MECOM: variants seen among roughly 807,000 people sequenced by gnomAD.
The protein encoded by MECOM is histone-lysine N-methyltransferase MECOM.
Under a neutral mutation model 116.3 loss-of-function variants are expected in MECOM, and 13 were observed. The ratio of observed to expected loss-of-function variants is 0.11; its 90% CI spans 0.07 to 0.18. MECOM has a LOEUF of 0.18. Among genes scored for constraint, MECOM ranks in the 10% least tolerant of loss-of-function variants. The pLI is 1.00. For missense variants in MECOM, 1,299 were observed against 1,509.0 expected (o/e 0.86, Z 2.31); for synonymous variants, 528 against 535.2 (o/e 0.99, Z 0.19).
chr3:169,622,878 A>C (rs1411003797), intron 1 of MECOM, among the ~76,000 whole-genome samples: 1 of 152,226 alleles, frequency 6.6e-6, no homozygotes, highest in African/African-American at 2.4e-5. Context: ...CAGGTAATTC[A>C]TTAAAAAAAT....
At chr3:169,492,848 T>A (rs977518639) in intron 1 of MECOM, among the ~76,000 whole-genome samples, 1 of 152,062 alleles carries the variant, frequency 6.6e-6, no homozygotes, top group African/African-American at 2.4e-5. Context: ...TTGTCCCAGC[T>A]ACTCAGGAGG....
At chr3:169,437,064 T>A (rs1416549463) in intron 1 of MECOM, among the ~76,000 whole-genome samples, 1 of 152,206 alleles carries the variant, frequency 6.6e-6, no homozygotes, top group African/African-American at 2.4e-5. Flanking sequence ...AAATAAAATC[T>A]TTTATGAACC....
rs75602520 is a variant in MECOM, at chr3:169,498,874, T to G, written c.38-117350A>C. Reference sequence around the variant, plus strand: ...AGCATTAGCATCAGTGAAACAAAAGTAGGGCTATAGAAAAAACAATACTTA... The same window carrying G: ...AGCATTAGCATCAGTGAAACAAAAGGAGGGCTATAGAAAAAACAATACTTA... On this transcript the variant is annotated intron_variant, in intron 1 of 16. Coordinates refer to ENST00000651503, the MANE Select transcript of MECOM (RefSeq NM_004991.4). 3.7e-3 allele frequency among the ~76,000 whole-genome samples: 563 copies of G among 152,002 alleles called. 5 individuals are homozygous for G. The highest frequency in any genetic ancestry group is 0.012 in the African/African-American group (496 of 41,448).
chr3:169,160,124 T>A (rs1742629473), intron 2 of MECOM, among the ~76,000 whole-genome samples: 1 of 152,188 alleles, frequency 6.6e-6, no homozygotes, highest in South Asian at 2.1e-4. Context: ...ATTTATTTTC[T>A]GGTCACTCAG....
chr3:169,155,904 C>G (rs1741890540), intron 2 of MECOM, among the ~76,000 whole-genome samples: 1 of 152,194 alleles, frequency 6.6e-6, no homozygotes, highest in Admixed American at 6.5e-5. Context: ...TTCCATTCAT[C>G]AAGCTCCTGC....
intron 2 of MECOM, among the ~76,000 whole-genome samples, chr3:169,234,127 G>C (rs11719636): frequency 1.3e-5 from 2 of 151,890 alleles, no homozygotes; most frequent in Non-Finnish European, 2.9e-5. Flanking sequence ...AGAGAAATAT[G>C]AGACAGATTT....
intron 2 of MECOM, among the ~76,000 whole-genome samples, chr3:169,195,509 A>C (rs1241488236): frequency 6.6e-6 from 1 of 152,100 alleles, no homozygotes; most frequent in Admixed American, 6.6e-5. Flanking sequence ...TAGGCTCACA[A>C]TCATTTCTTG....
At chr3:169,343,314 T>C (rs935960402) in intron 2 of MECOM, among the ~76,000 whole-genome samples, 2 of 152,162 alleles carry the variant, frequency 1.3e-5, no homozygotes, top group Non-Finnish European at 2.9e-5. Context: ...TTGTTGAAGA[T>C]GTCAGAAAGT....
At chr3:169,321,646 AC>A (rs1182105623) in intron 2 of MECOM, among the ~76,000 whole-genome samples, 2 of 151,952 alleles carry the variant, frequency 1.3e-5, no homozygotes, top group African/African-American at 4.8e-5. Context: ...TTGGGCAGTG[AC>A]TCTTCAGGGA....
intron 1 of MECOM, 151 bp downstream of exon 1, chr3:169,663,185 C>T: frequency 1.2e-6 from 1 of 846,680 alleles, no homozygotes; most frequent in Non-Finnish European, 1.9e-6. Context: ...GAGACTGGAA[C>T]CGGCAGGTTG....
intron 2 of MECOM, among the ~76,000 whole-genome samples, chr3:169,268,930 C>G (rs920752164): frequency 6.6e-6 from 1 of 152,126 alleles, no homozygotes; most frequent in African/African-American, 2.4e-5. Flanking sequence ...CACACAGTTT[C>G]TAATTACTAA....
At chr3:169,178,449 T>G (rs934226111) in intron 2 of MECOM, among the ~76,000 whole-genome samples, 17 of 152,162 alleles carry the variant, frequency 1.1e-4, no homozygotes, top group African/African-American at 4.1e-4. Context: ...GACATTAGTT[T>G]CTCAGAGTCC....
intron 1 of MECOM, among the ~76,000 whole-genome samples, chr3:169,647,546 A>T (rs1324325533): frequency 6.6e-6 from 1 of 152,220 alleles, no homozygotes. Flanking sequence ...ACCTGTAAAC[A>T]TCCACACCAA....
At chr3:169,644,295 C>T (rs896558111) in intron 1 of MECOM, among the ~76,000 whole-genome samples, 7 of 151,808 alleles carry the variant, frequency 4.6e-5, no homozygotes, top group African/African-American at 1.5e-4. Context: ...CTCACTCTGT[C>T]GCCCAGGCTG....
At chr3:169,109,522 C>T (rs1330957382) in intron 9 of MECOM, among the ~76,000 whole-genome samples, 1 of 151,462 alleles carries the variant, frequency 6.6e-6, no homozygotes, top group Non-Finnish European at 1.5e-5. Flanking sequence ...TCAAGTGATT[C>T]TCCTGCCTCA....
intron 9 of MECOM, among the ~76,000 whole-genome samples, chr3:169,111,567 T>A (rs1727418986): frequency 6.6e-6 from 1 of 152,158 alleles, no homozygotes; most frequent in Non-Finnish European, 1.5e-5. Flanking sequence ...AACTTACTTC[T>A]TTTCCATAAA....
intron 9 of MECOM, among the ~76,000 whole-genome samples, chr3:169,109,953 C>T (rs1217395169): frequency 6.6e-6 from 1 of 152,034 alleles, no homozygotes; most frequent in African/African-American, 2.4e-5. Context: ...TCTTTCTTTT[C>T]CCTAAAACAT....
intron 1 of MECOM, among the ~76,000 whole-genome samples, chr3:169,594,174 A>AAAAAAAAAAACC (rs1255613781): frequency 1.2e-4 from 15 of 125,956 alleles, no homozygotes; most frequent in African/African-American, 4.5e-4. Context: ...AAAAAAAAAA[A>AAAAAAAAAAACC]AACACCTTTT....
intron 2 of MECOM, among the ~76,000 whole-genome samples, chr3:169,357,076 G>A (rs907616285): frequency 5.3e-5 from 8 of 151,744 alleles, no homozygotes; most frequent in African/African-American, 1.7e-4. Context: ...TTTATGCCAT[G>A]GTACATGACA....
Sources: allele counts gnomAD v4.1 joint callset (sites outside exome capture counted in the v4.1 genomes callset), GRCh38; gene constraint gnomAD v4.1.1; transcripts MANE v1.5; gene names NCBI Gene and HGNC (gene_info 2026-07-23, HGNC 2026-07-21).